The following DLC1 variants were observed in gnomAD, a reference collection of about 807,000 sequenced individuals.
The protein encoded by DLC1 is rho GTPase-activating protein 7.
Under a neutral mutation model 140.3 loss-of-function variants are expected in DLC1, and 54 were observed. The observed-to-expected ratio is 0.38, with a 90% CI of 0.31 to 0.48. DLC1 has a LOEUF of 0.48. Ranked by LOEUF, DLC1 falls within the 20% of genes least tolerant of loss-of-function variation. The pLI is 0.96. For missense variants in DLC1, 2,536 were observed against 1,907.0 expected (o/e 1.33, Z -6.14); for synonymous variants, 986 against 728.1 (o/e 1.35, Z -5.70).
intron 5 of DLC1, among the ~76,000 whole-genome samples, chr8:13,173,425 G>A (rs1044395638): frequency 1.5e-5 from 2 of 134,778 alleles, no homozygotes; most frequent in Non-Finnish European, 3.1e-5. Flanking sequence ...AGGCTGGAGC[G>A]CAGTGGCGCG....
intron 5 of DLC1, chr8:13,214,709 A>C (rs1467307964): frequency 2.6e-6 from 2 of 780,968 alleles, no homozygotes; most frequent in Non-Finnish European, 4.8e-6. Flanking sequence ...GCCACTTCCG[A>C]GTTGGAAAAA....
intron 1 of DLC1, among the ~76,000 whole-genome samples, chr8:13,521,413 A>T (rs1802762142): frequency 6.6e-6 from 1 of 152,100 alleles, no homozygotes; most frequent in Admixed American, 6.5e-5. Flanking sequence ...AAAATTAAAA[A>T]AAAAAAAAGT....
Position 13,143,142 on chromosome 8 carries a change from A to G in DLC1, c.1349-27485T>C, listed in dbSNP as rs141962210. On this transcript the variant is annotated intron_variant, in intron 5 of 17. Coordinates refer to ENST00000276297, the MANE Select transcript of DLC1 (RefSeq NM_182643.3). ...AACGTTTTAATGATCATGTATAGAT[A>G]TCTGTATCCATCAGTTAGAACATAC... Among the ~76,000 whole-genome samples, 39 of 152,296 alleles carry G rather than the reference A, an allele frequency of 2.6e-4. 1 individual carries two copies. In the East Asian group the frequency reaches 7.3e-3, roughly 29 times the overall value.
intron 15 of DLC1, among the ~76,000 whole-genome samples, 190 bp from the exon 16 acceptor site, chr8:13,088,894 G>T (rs945911401): frequency 3.3e-5 from 5 of 151,968 alleles, no homozygotes; most frequent in African/African-American, 4.8e-5. Flanking sequence ...ACTTAAATAG[G>T]CTGCTGTCCC....
At chr8:13,087,435 G>C (rs529436444) in intron 16 of DLC1, among the ~76,000 whole-genome samples, 1 of 152,336 alleles carries the variant, frequency 6.6e-6, no homozygotes, top group South Asian at 2.1e-4. Context: ...CTAACCAGAT[G>C]CAACTACTTG....
chr8:13,095,330 T>C, intron 10 of DLC1, 85 bp from the exon 11 acceptor site: 3 of 1,547,858 alleles, frequency 1.9e-6, no homozygotes, highest in Non-Finnish European at 2.7e-6. Context: ...AGGCAAACCC[T>C]GTGGGCTCCA....
chr8:13,305,092 C>A, intron 5 of DLC1, 177 bp downstream of exon 5: 1 of 1,275,160 alleles, frequency 7.8e-7, no homozygotes, highest in Non-Finnish European at 1.0e-6. Flanking sequence ...GTCAGAAAAC[C>A]ACGTATATTT....
At chr8:13,263,984 C>G (rs1830574839) in intron 5 of DLC1, among the ~76,000 whole-genome samples, 1 of 151,668 alleles carries the variant, frequency 6.6e-6, no homozygotes, top group African/African-American at 2.4e-5. Context: ...AACATAGATG[C>G]CTTTCAACAG....
At chr8:13,199,177 C>CTTTTTTTTTTTTTTTTTTT (rs71207132) in intron 5 of DLC1, among the ~76,000 whole-genome samples, 2 of 93,288 alleles carry the variant, frequency 2.1e-5, no homozygotes, top group Non-Finnish European at 4.1e-5. Flanking sequence ...TTCTCTTTTT[C>CTTTTTTTTTTTTTTTTTTT]TTTTTTTTTT....
chr8:13,352,505 G>A (rs780052994), intron 4 of DLC1, among the ~76,000 whole-genome samples: 8 of 151,698 alleles, frequency 5.3e-5, no homozygotes, highest in Non-Finnish European at 1.2e-4. Flanking sequence ...CCTCGGCCTC[G>A]CAAGTAGCTG....
At position 13,498,770 on chromosome 8, in the gene DLC1, A is replaced by G. The variant is rs1187002415; in HGVS notation, c.1023+279T>C. On this transcript the variant is annotated intron_variant, in intron 2 of 17. Coordinates refer to ENST00000276297, the MANE Select transcript of DLC1 (RefSeq NM_182643.3). ...AGCTATCTAGTGGCTATTTAATTCC[A>G]ACTAAAGAAAGGGATACCAATCCTG... is the stretch of plus-strand genomic sequence containing the variant. 1.3e-5 allele frequency: 4 copies of G among 303,274 alleles called. No individual in the cohort carries two copies. The East Asian group carries it at 1.7e-4, about 13-fold the overall frequency. The allele number at this position is 303,274 out of a possible 1,614,324, so 18.8% of individuals were successfully genotyped here. A position where few individuals can be genotyped will look rare whatever the true frequency, so the allele number is the denominator to read the frequency against.
At chr8:13,406,686 A>G (rs1837578814) in intron 2 of DLC1, among the ~76,000 whole-genome samples, 1 of 152,162 alleles carries the variant, frequency 6.6e-6, no homozygotes. Context: ...AATTCTGTCA[A>G]TGACTCAATT....
chr8:13,350,736 A>AATAT (rs1203312210), intron 4 of DLC1, among the ~76,000 whole-genome samples: 1 of 152,046 alleles, frequency 6.6e-6, no homozygotes, highest in Non-Finnish European at 1.5e-5. Flanking sequence ...TAAATAAATA[A>AATAT]ATATAAAGAG....
At chr8:13,318,537 C>T (rs2116892153) in intron 4 of DLC1, among the ~76,000 whole-genome samples, 1 of 152,222 alleles carries the variant, frequency 6.6e-6, no homozygotes, top group Admixed American at 6.5e-5. Flanking sequence ...CTCTTTAGGA[C>T]TCAAATTTTC....
Position 13,086,434 on chromosome 8 carries a change from G to T in DLC1, c.4322C>A (p.Ala1441Asp). Residue 1441 changes from alanine (A) to aspartate (D), a missense_variant, in exon 17 of 18, where the codon GCC (alanine) becomes GAC (aspartate). Coordinates refer to ENST00000276297, the MANE Select transcript of DLC1 (RefSeq NM_182643.3). ...RTWRTNLPKG[A>D]CALLLTSVDH... is the part of the protein sequence containing the mutation. ...CACAGAGGTTAGTAAAAGGGCACAG[G>T]CTCCTTTGGGTAAATTAGTCCTCCA... 6.2e-7 allele frequency: 1 copy of T among 1,614,214 alleles called. No homozygotes were observed. Among genetic ancestry groups the T allele is most frequent in the South Asian group, 1.1e-5 (1 of 91,082 alleles).
intron 4 of DLC1, among the ~76,000 whole-genome samples, chr8:13,308,745 T>C (rs1426977330): frequency 6.6e-6 from 1 of 152,164 alleles, no homozygotes; most frequent in Non-Finnish European, 1.5e-5. Context: ...GGTGTGTCAT[T>C]AAAAAGAGTG....
chr8:13,541,660 C>T (rs1027958763), intron 1 of DLC1, among the ~76,000 whole-genome samples: 4 of 152,186 alleles, frequency 2.6e-5, no homozygotes, highest in Non-Finnish European at 5.9e-5. Flanking sequence ...TGCCATTCTC[C>T]AGCCTCAGCC....
At chr8:13,188,715 A>G (rs142048996) in intron 5 of DLC1, among the ~76,000 whole-genome samples, 221 of 145,130 alleles carry the variant, frequency 1.5e-3, no homozygotes, top group African/African-American at 4.9e-3. Flanking sequence ...AGTTCAAACA[A>G]TTCTCTTGCC....
intron 1 of DLC1, among the ~76,000 whole-genome samples, chr8:13,599,911 A>T (rs1042343919): frequency 3.3e-5 from 5 of 151,992 alleles, no homozygotes; most frequent in Non-Finnish European, 5.9e-5. Flanking sequence ...CTATATATGT[A>T]TCAGTCTGTA....
Sources: gnomAD v4.1 joint callset for allele counts (sites outside exome capture counted in the v4.1 genomes callset) on GRCh38, gnomAD v4.1.1 for gene constraint, MANE v1.5 for transcripts, NCBI Gene and HGNC (gene_info 2026-07-23, HGNC 2026-07-21) for gene names.